The following MASP1 variants were observed in gnomAD, a reference collection of about 807,000 sequenced individuals.
MASP1 encodes mannan-binding lectin serine protease 1.
A neutral mutation model predicts 77.1 loss-of-function variants in MASP1; 59 were observed. The ratio of observed to expected loss-of-function variants is 0.77; its 90% CI spans 0.62 to 0.95. The LOEUF (loss-of-function observed/expected upper bound fraction) is 0.95, where lower values mean the gene tolerates loss of function less well. Ranked by LOEUF, MASP1 falls within the 40% of genes least tolerant of loss-of-function variation. The pLI, the probability that MASP1 is intolerant of heterozygous loss-of-function variation, is 0.00. For synonymous variants in MASP1, 362 were observed against 354.5 expected, an observed-to-expected ratio of 1.02 and a Z score of -0.24; for missense variants, 885 against 912.9, an observed-to-expected ratio of 0.97 and a Z score of 0.39.
chr3:187,241,740 C>T, intron 9 of MASP1, 185 bp from the exon 10 acceptor site: 1 of 559,882 alleles, frequency 1.8e-6, no homozygotes, highest in Non-Finnish European at 3.3e-6. Flanking sequence ...AAGAATGTGG[C>T]AGGTACTCTC....
At chr3:187,275,451 C>T (rs1461421737) in intron 2 of MASP1, among the ~76,000 whole-genome samples, 1 of 152,132 alleles carries the variant, frequency 6.6e-6, no homozygotes, top group East Asian at 1.9e-4. Flanking sequence ...ACTGTCATAG[C>T]TCTGCCACTC....
chr3:187,237,330 A>G (rs696404), intron 10 of MASP1, among the ~76,000 whole-genome samples: 146,734 of 152,360 alleles, frequency 0.96, 70,892 homozygotes, highest in East Asian at 1. Flanking sequence ...CAGATAGCAG[A>G]AGCTTAACTA....
chr3:187,229,974 T>C, downstream of MASP1: 1 of 1,561,444 alleles, frequency 6.4e-7, no homozygotes, highest in East Asian at 2.3e-5. Context: ...TCCCAGCTCC[T>C]CACCCTGTTA....
rs1452691040 is a variant in MASP1 at position 187,235,941 on chromosome 3, T to A, written c.1930A>T (p.Thr644Ser). ...YESRSGNYSV[T>S]ENMFCAGYYE... ...TAGCCAGCACAGAACATGTTCTCCGTGACGCTGTAATTGCCCGAGCGGGAC... is the reference window on the plus strand; with the variant it reads ...TAGCCAGCACAGAACATGTTCTCCGAGACGCTGTAATTGCCCGAGCGGGAC... The change falls in exon 11 of 11, where the codon ACG becomes TCG. Residue 644 changes from threonine (T) to serine (S), a missense_variant. Thr to Ser is a moderately conservative substitution (Grantham distance 58, BLOSUM62 1). Transcript: ENST00000296280. 3.1e-6 allele frequency: 5 copies of A among 1,614,206 alleles called. No homozygotes were observed. The highest frequency in any genetic ancestry group is 4.2e-6 in the Non-Finnish European group (5 of 1,180,030).
chr3:187,278,229 G>T (rs1299732265), intron 2 of MASP1, among the ~76,000 whole-genome samples: 1 of 152,192 alleles, frequency 6.6e-6, no homozygotes, highest in African/African-American at 2.4e-5. Flanking sequence ...AAGACTTGAC[G>T]CTGGGTCTGA....
At chr3:187,271,717 C>T (rs917168719) in intron 2 of MASP1, among the ~76,000 whole-genome samples, 5 of 152,030 alleles carry the variant, frequency 3.3e-5, no homozygotes, top group Non-Finnish European at 7.4e-5. Flanking sequence ...TAGCTTCCAC[C>T]CCATGGTATA....
chr3:187,291,306 T>C, intron 1 of MASP1: 1 of 467,234 alleles, frequency 2.1e-6, no homozygotes. Flanking sequence ...AAATCAGCCT[T>C]GTGGGTGAAC....
rs1717193940 is a variant in MASP1, at chr3:187,279,008, T to C, written c.237+6817A>G. Among the ~76,000 whole-genome samples, 3 of 150,876 alleles carry C rather than the reference T, an allele frequency of 2.0e-5. No individual in the cohort carries two copies. In the South Asian group the frequency reaches 6.3e-4, roughly 32 times the overall value. ...CCCTCCGCCACATCACAGCTTCTAA[T>C]TGGACGTCCTAGACTAAAATGCTAA... On this transcript the variant is annotated intron_variant, in intron 2 of 10. Coordinates refer to ENST00000296280, the MANE Select transcript of MASP1 (RefSeq NM_139125.4).
At chr3:187,268,109 G>A (rs569622336) in intron 2 of MASP1, among the ~76,000 whole-genome samples, 1 of 152,304 alleles carries the variant, frequency 6.6e-6, no homozygotes, top group African/African-American at 2.4e-5. Flanking sequence ...TGCTATAGGA[G>A]TCTAAAACAG....
rs929582667 is a variant in MASP1, at chr3:187,275,210, G to T, written c.237+10615C>A. Among the ~76,000 whole-genome samples the T allele has an allele frequency of 7.2e-5, 11 of 152,222 alleles. 1 individual carries two copies. In the East Asian group the frequency reaches 2.1e-3, roughly 29 times the overall value. Reference sequence around the variant, plus strand: ...GTTGCTGTGTTCTTCTGCGGCAGAAGCTGCGTGGCTCCAGGTGTGTCATAG... The same window carrying T: ...GTTGCTGTGTTCTTCTGCGGCAGAATCTGCGTGGCTCCAGGTGTGTCATAG... On this transcript the variant is annotated intron_variant, in intron 2 of 10. Coordinates refer to ENST00000296280, the MANE Select transcript of MASP1 (RefSeq NM_139125.4).
intron 13 of MASP1, among the ~76,000 whole-genome samples, chr3:187,224,497 C>A (rs183769868): frequency 0.011 from 1,728 of 151,798 alleles, 20 homozygotes; most frequent in Non-Finnish European, 0.018. Flanking sequence ...CAGGCGCCCG[C>A]CACTATGCCC....
intron 11 of MASP1, chr3:187,226,649 A>G: frequency 2.9e-6 from 2 of 700,974 alleles, no homozygotes; most frequent in Non-Finnish European, 2.6e-6. Flanking sequence ...GCTTCTCTCC[A>G]TTGTATTTTA....
chr3:187,228,816 G>C (rs896985041), intron 11 of MASP1, among the ~76,000 whole-genome samples: 1 of 152,190 alleles, frequency 6.6e-6, no homozygotes, highest in Non-Finnish European at 1.5e-5. Flanking sequence ...TTGGGTCTGA[G>C]AGAATGTAAG....
intron 2 of MASP1, among the ~76,000 whole-genome samples, chr3:187,274,542 C>T (rs547618305): frequency 2.0e-5 from 3 of 152,282 alleles, no homozygotes; most frequent in East Asian, 1.9e-4. Flanking sequence ...CTATACCTGG[C>T]GGAGGAACAG....
Position 187,250,265 on chromosome 3 carries a change from A to G in MASP1, c.1076T>C (p.Ile359Thr), listed in dbSNP as rs752775529. Residue 359 changes from isoleucine to threonine, a missense_variant, in exon 8 of 11, where the codon ATT (isoleucine) becomes ACT (threonine). Coordinates refer to ENST00000296280, the MANE Select transcript of MASP1 (RefSeq NM_139125.4). ...CLKDGTWSNK[I>T]PTCKIVDCRA... ...GGCTTTCTTACTTTTACAGGTGGGA[A>G]TCTTGTTACTCCACGTCCCATCCTT... is the stretch of plus-strand genomic sequence containing the variant. 21 of 1,613,774 alleles carry G rather than the reference A, an allele frequency of 1.3e-5. No homozygotes were observed. In the East Asian group the frequency reaches 3.8e-4, roughly 29 times the overall value.
chr3:187,246,356 G>A lies in MASP1; in HGVS notation c.1091-2735C>T, dbSNP rs547517923. 4.3e-3 allele frequency: 4,233 copies of A among 984,300 alleles called. 7 individuals are homozygous for A. Among genetic ancestry groups the A allele is most frequent in the Non-Finnish European group, 4.8e-3 (4,006 of 828,982 alleles). The allele number at this position is 984,300 out of a possible 1,614,324, so 61.0% of individuals were successfully genotyped here. A position where few individuals can be genotyped will look rare whatever the true frequency, so the allele number is the denominator to read the frequency against. ...CACTGAGTATGAATGCTGTTAATAC[G>A]TTGTAGGTTTAAAGACATTTATTCA... On this transcript the variant is annotated intron_variant, in intron 8 of 10. Coordinates refer to ENST00000296280, the MANE Select transcript of MASP1 (RefSeq NM_139125.4).
chr3:187,218,134 C>G (rs187789691), exon 16 of MASP1: 1 of 152,398 alleles, frequency 6.6e-6, no homozygotes, highest in African/African-American at 2.4e-5. Context: ...TCTCCTCCCC[C>G]AAAACCTTCA....
Position 187,253,176 on chromosome 3 carries a change from C to T in MASP1, c.884G>A (p.Arg295Lys), listed in dbSNP as rs73886128. 6.1e-5 allele frequency: 98 copies of T among 1,613,986 alleles called. No individual in the cohort carries two copies. The African/African-American group carries it at 1.2e-3, about 20-fold the overall frequency. Residue 295 changes from arginine to lysine, a missense_variant, in exon 6 of 11, where the codon AGG becomes AAG. Transcript: ENST00000296280. ...GENRGWRLSY[R>K]AAGNECPELQ... ...GGGAGGGAAGAGGTTACCTGCAGCC[C>T]TGTATGAGAGCCTCCAGCCCCGGTT...
chr3:187,227,864 C>T (rs921149017), intron 11 of MASP1, among the ~76,000 whole-genome samples: 1 of 152,140 alleles, frequency 6.6e-6, no homozygotes, highest in Non-Finnish European at 1.5e-5. Flanking sequence ...CTGCAGATCC[C>T]TCTACCCAGG....
Sources: allele counts gnomAD v4.1 joint callset (sites outside exome capture counted in the v4.1 genomes callset), GRCh38; gene constraint gnomAD v4.1.1; transcripts MANE v1.5; gene names NCBI Gene and HGNC (gene_info 2026-07-23, HGNC 2026-07-21).